SGK1: variants seen among roughly 807,000 people sequenced by gnomAD.
The protein encoded by SGK1 is serum/glucocorticoid regulated kinase 1.
A neutral mutation model predicts 64.2 loss-of-function variants in SGK1; 26 were observed. That is an observed-to-expected ratio of 0.40 (90% CI 0.30 to 0.56). The LOEUF (loss-of-function observed/expected upper bound fraction) is 0.56, where lower values mean the gene tolerates loss of function less well. SGK1 is among the 20% of genes least tolerant of loss of function. SGK1 has a pLI of 0.38. For synonymous variants in SGK1, 265 were observed against 239.7 expected (o/e 1.11, Z -0.98); for missense variants, 519 against 645.6 (o/e 0.80, Z 2.12).
intron 3 of SGK1, among the ~76,000 whole-genome samples, chr6:134,178,707 C>T (rs1048739666): frequency 6.6e-6 from 1 of 152,246 alleles, no homozygotes; most frequent in African/African-American, 2.4e-5. Flanking sequence ...ACGCGGCTTC[C>T]CCCACTTGTC....
intron 2 of SGK1, among the ~76,000 whole-genome samples, chr6:134,210,479 G>A (rs1315328100): frequency 2.0e-5 from 3 of 152,124 alleles, no homozygotes; most frequent in East Asian, 1.9e-4. Context: ...CTAATTTCTA[G>A]AGATCTGCTG....
At chr6:134,285,856 T>C (rs530169573) in intron 1 of SGK1, among the ~76,000 whole-genome samples, 1 of 152,288 alleles carries the variant, frequency 6.6e-6, no homozygotes, top group African/African-American at 2.4e-5. Context: ...TAAAATTTGC[T>C]GGGAAACAAA....
In SGK1 at chr6:134,171,072, C is replaced by T. The variant is rs552502455; in HGVS notation, c.1274G>A (p.Gly425Asp). 55 of 1,614,058 alleles carry T rather than the reference C, an allele frequency of 3.4e-5. 1 individual carries two copies. The South Asian group carries it at 4.4e-4, about 13-fold the overall frequency. The part of the protein sequence containing the change: ...ITNSARHLLE[G>D]LLQKDRTKRL... ...CTTTGTCCTGTCCTTCTGCAGGAGG[C>T]CCTCCAGGAGGTGTCTTGCGGAATT... The change falls in exon 12 of 14, where the codon GGC becomes GAC. Residue 425 changes from glycine to aspartate, a missense_variant. Coordinates refer to ENST00000367858, the MANE Select transcript of SGK1 (RefSeq NM_001143676.3).
At chr6:134,174,281 G>A (rs1775136672) in intron 4 of SGK1, 3 of 603,696 alleles carry the variant, frequency 5.0e-6, no homozygotes, top group Non-Finnish European at 8.7e-6. Context: ...CATGGAGAAA[G>A]GCCGTGAATT....
chr6:134,224,249 A>T (rs1414632370), intron 2 of SGK1, among the ~76,000 whole-genome samples: 1 of 152,224 alleles, frequency 6.6e-6, no homozygotes, highest in Admixed American at 6.5e-5. Context: ...CATCTCGACA[A>T]TGATTCTTTA....
At chr6:134,232,118 G>A (rs1776287732) in intron 2 of SGK1, among the ~76,000 whole-genome samples, 3 of 151,996 alleles carry the variant, frequency 2.0e-5, no homozygotes, top group South Asian at 4.1e-4. Flanking sequence ...GCTGGGCACG[G>A]TGGCTCACGC....
intron 1 of SGK1, among the ~76,000 whole-genome samples, chr6:134,290,575 A>C (rs961820759): frequency 1.3e-5 from 2 of 152,088 alleles, no homozygotes; most frequent in African/African-American, 4.8e-5. Context: ...GAAAAAATGA[A>C]GAGTGTAGTT....
At chr6:134,282,665 A>T (rs1777113057) in intron 1 of SGK1, among the ~76,000 whole-genome samples, 2 of 150,918 alleles carry the variant, frequency 1.3e-5, no homozygotes, top group African/African-American at 2.5e-5. Flanking sequence ...AAAAAAAAAT[A>T]AAATAAAAGA....
intron 3 of SGK1, chr6:134,175,637 C>A (rs1441593617): frequency 2.6e-6 from 4 of 1,531,294 alleles, no homozygotes; most frequent in African/African-American, 2.8e-5. Flanking sequence ...CGGGCTCTGG[C>A]CAGCGCGCCC....
At chr6:134,245,221 G>A (rs1776509078) in intron 2 of SGK1, among the ~76,000 whole-genome samples, 3 of 152,228 alleles carry the variant, frequency 2.0e-5, no homozygotes, top group Admixed American at 1.3e-4. Context: ...AAGGTGTGAG[G>A]CACCATGCCA....
rs192100420 is a variant in SGK1, at chr6:134,191,776, C to T, written c.361+15580G>A. On this transcript the variant is annotated intron_variant, in intron 3 of 13. Transcript: ENST00000367858. The stretch of plus-strand genomic sequence containing the variant: ...CTCTGCCTCCTGGGTTCAATGGATT[C>T]TCCTGCCTCAGCCTCCTGAGTAGCT... 1.2e-4 allele frequency among the ~76,000 whole-genome samples: 18 copies of T among 149,170 alleles called. No individual in the cohort carries two copies. In the East Asian group the frequency reaches 3.5e-3, roughly 29 times the overall value.
intron 2 of SGK1, among the ~76,000 whole-genome samples, chr6:134,215,938 C>G (rs919379252): frequency 2.6e-5 from 4 of 152,152 alleles, no homozygotes; most frequent in African/African-American, 9.7e-5. Context: ...ATCGCTTGAA[C>G]CCAGGAGGCG....
At chr6:134,174,996 G>T in intron 3 of SGK1, 1 of 1,197,902 alleles carries the variant, frequency 8.3e-7, no homozygotes, top group Non-Finnish European at 1.1e-6. Flanking sequence ...TTTGCTGGCG[G>T]CTACGCTGCC....
Position 134,170,424 on chromosome 6 carries a change from G to A in SGK1, c.1425C>T (p.Asn475=), listed in dbSNP as rs761292158. 6.8e-6 allele frequency: 11 copies of A among 1,612,126 alleles called. No individual in the cohort carries two copies. Among genetic ancestry groups the A allele is most frequent in the Middle Eastern group, 1.7e-4 (1 of 6,010 alleles). The change falls in exon 14 of 14, where the codon AAC becomes AAT. Residue 475 remains asparagine, a synonymous_variant. Coordinates refer to ENST00000367858, the MANE Select transcript of SGK1 (RefSeq NM_001143676.3). The part of the protein sequence containing the change: ...PPFNPNVSGP[N]DLRHFDPEFT... ...ACTCGGGGTCAAAGTGCCGTAGGTC[G>A]TTGGGCCCACTCTGTGACGGGAAGG... is the stretch of plus-strand genomic sequence containing the variant.
intron 2 of SGK1, among the ~76,000 whole-genome samples, chr6:134,248,973 C>A (rs908960533): frequency 4.6e-5 from 7 of 151,982 alleles, no homozygotes; most frequent in African/African-American, 1.7e-4. Context: ...GGTAAATAAC[C>A]AAGATTGTTC....
rs752796226 is a variant in SGK1, at chr6:134,184,040, C to T, written c.362-9454G>A. Among the ~76,000 whole-genome samples, 110 of 152,144 alleles carry T rather than the reference C, an allele frequency of 7.2e-4. 1 individual carries two copies. Among genetic ancestry groups the T allele is most frequent in the Admixed American group, 9.8e-4 (15 of 15,272 alleles). Reference sequence around the variant, plus strand: ...CCCCTCTGACCTCTCCTCCTACCTTCTCCCTCCCTCCAGGTTTGTACCACT... The same window carrying T: ...CCCCTCTGACCTCTCCTCCTACCTTTTCCCTCCCTCCAGGTTTGTACCACT... On this transcript the variant is annotated intron_variant, in intron 3 of 13. Transcript: ENST00000367858.
At position 134,262,124 on chromosome 6, in the gene SGK1, T is replaced by A. The variant is rs147657480; in HGVS notation, c.94A>T (p.Met32Leu). ...CTCTGATGCTTGTCCACACTGACCA[T>A]TGGGCTCTTGATCCACCTTCGTACC... ...KRVRRWIKSP[M>L]VSVDKHQSPS... The change falls in exon 2 of 14, where the codon ATG (methionine) becomes TTG (leucine). Residue 32 changes from methionine (M) to leucine (L), a missense_variant. Met to Leu is a conservative substitution (Grantham distance 15). Transcript: ENST00000367858. The A allele has an allele frequency of 2.0e-4, 320 of 1,593,204 alleles. No homozygotes were observed. The East Asian group carries it at 6.7e-3, about 33-fold the overall frequency.
chr6:134,207,907 C>T (rs563899406), intron 2 of SGK1, among the ~76,000 whole-genome samples: 26 of 151,078 alleles, frequency 1.7e-4, no homozygotes, highest in African/African-American at 6.2e-4. Context: ...TTCAGTAGCA[C>T]TTTAAATGCT....
chr6:134,307,113 T>C (rs1777546630), intron 1 of SGK1, among the ~76,000 whole-genome samples: 1 of 152,156 alleles, frequency 6.6e-6, no homozygotes, highest in Non-Finnish European at 1.5e-5. Flanking sequence ...TTCCATCTGA[T>C]AGAGATCAGT....
Sources: gnomAD v4.1 joint callset for allele counts (sites outside exome capture counted in the v4.1 genomes callset) on GRCh38, gnomAD v4.1.1 for gene constraint, MANE v1.5 for transcripts, NCBI Gene and HGNC (gene_info 2026-07-23, HGNC 2026-07-21) for gene names.